The following GALNT13 variants were observed in gnomAD, a reference collection of about 807,000 sequenced individuals.
GALNT13 encodes the protein UDP-GalNAc:polypeptide N-acetylgalactosaminyltransferase 13.
A neutral mutation model predicts 64.2 loss-of-function variants in GALNT13; 28 were observed. The ratio of observed to expected loss-of-function variants is 0.44; its 90% CI spans 0.32 to 0.60. GALNT13 has a LOEUF of 0.60. Among genes scored for constraint, GALNT13 ranks in the 20% least tolerant of loss-of-function variants. The probability of loss-of-function intolerance (pLI) is 0.05; values close to 1 mark genes in which losing one functional copy is unlikely to be tolerated. For synonymous variants in GALNT13, 214 were observed against 224.6 expected, an observed-to-expected ratio of 0.95 and a Z score of 0.42; for missense variants, 577 against 669.8, an observed-to-expected ratio of 0.86 and a Z score of 1.53.
chr2:153,650,300 T>G, the GALNT13 span, among the ~76,000 whole-genome samples: 1 of 152,190 alleles, frequency 6.6e-6, no homozygotes, highest in Admixed American at 6.5e-5. Context: ...TGCCTTTTTT[T>G]GTTTTCCATT....
At chr2:153,307,048 G>A in the GALNT13 span, among the ~76,000 whole-genome samples, 1 of 152,116 alleles carries the variant, frequency 6.6e-6, no homozygotes, top group Admixed American at 6.5e-5. Context: ...TGCTTTTTTC[G>A]CTTAGAAAGT....
the GALNT13 span, among the ~76,000 whole-genome samples, chr2:153,627,100 G>C: frequency 6.6e-6 from 1 of 152,058 alleles, no homozygotes; most frequent in Admixed American, 6.6e-5. Flanking sequence ...GTGTGGGAAT[G>C]TAATACCTGA....
At chr2:153,765,964 CA>C in the GALNT13 span, among the ~76,000 whole-genome samples, 1 of 152,132 alleles carries the variant, frequency 6.6e-6, no homozygotes, top group Non-Finnish European at 1.5e-5. Flanking sequence ...GAGGCCTCCC[CA>C]AGCATGTGGA....
chr2:154,183,458 TC>T (rs1400333544), intron 4 of GALNT13, among the ~76,000 whole-genome samples: 1 of 152,188 alleles, frequency 6.6e-6, no homozygotes, highest in Non-Finnish European at 1.5e-5. Flanking sequence ...ACGCCTGTAA[TC>T]CCAGCACTTT....
intron 4 of GALNT13, among the ~76,000 whole-genome samples, chr2:154,200,919 G>A (rs1415120386): frequency 6.6e-6 from 1 of 152,084 alleles, no homozygotes; most frequent in Non-Finnish European, 1.5e-5. Flanking sequence ...AACTAGCCTA[G>A]AAAATGTATA....
the GALNT13 span, among the ~76,000 whole-genome samples, chr2:153,559,654 A>T: frequency 6.6e-6 from 1 of 152,170 alleles, no homozygotes; most frequent in Non-Finnish European, 1.5e-5. Flanking sequence ...TATCAGCCTG[A>T]TCCTTCCATT....
chr2:154,238,453 C>T (rs1210267880), intron 4 of GALNT13, among the ~76,000 whole-genome samples: 1 of 151,904 alleles, frequency 6.6e-6, no homozygotes, highest in Non-Finnish European at 1.5e-5. Context: ...TATAATTTGA[C>T]CACATTTTTT....
the GALNT13 span, among the ~76,000 whole-genome samples, chr2:153,534,518 C>CTTTTTTTTTTTTTTTT: frequency 8.1e-6 from 1 of 123,776 alleles, no homozygotes. Flanking sequence ...GCCCCTCTTT[C>CTTTTTTTTTTTTTTTT]TTTCTTTCTT....
At chr2:154,404,710 T>C (rs781423528) in intron 10 of GALNT13, among the ~76,000 whole-genome samples, 4 of 152,106 alleles carry the variant, frequency 2.6e-5, no homozygotes, top group East Asian at 1.9e-4. Context: ...TAGCTGAAGC[T>C]CCTTCTCAGA....
intron 3 of GALNT13, among the ~76,000 whole-genome samples, chr2:154,028,185 T>G (rs1698103918): frequency 6.6e-6 from 1 of 152,160 alleles, no homozygotes; most frequent in Admixed American, 6.5e-5. Flanking sequence ...ATAATATTCT[T>G]TTTATTTTTA....
the GALNT13 span, among the ~76,000 whole-genome samples, chr2:153,155,039 G>A: frequency 1.3e-5 from 2 of 152,124 alleles, no homozygotes; most frequent in African/African-American, 4.8e-5. Context: ...TTATTGATTT[G>A]CATATGTTGA....
chr2:153,747,529 G>A, the GALNT13 span, among the ~76,000 whole-genome samples: 1 of 146,412 alleles, frequency 6.8e-6, no homozygotes, highest in Admixed American at 7.0e-5. Flanking sequence ...CTGGGTTCAA[G>A]CAATTCTTCT....
chr2:153,096,618 C>T, the GALNT13 span, among the ~76,000 whole-genome samples: 2 of 151,976 alleles, frequency 1.3e-5, no homozygotes, highest in African/African-American at 2.4e-5. Context: ...GTGTAGTGAC[C>T]TCCTTTGTCT....
At chr2:153,317,824 G>T in the GALNT13 span, among the ~76,000 whole-genome samples, 1 of 151,966 alleles carries the variant, frequency 6.6e-6, no homozygotes, top group South Asian at 2.1e-4. Flanking sequence ...AGGCAATGAA[G>T]TCCTATTATT....
chr2:153,510,508 G>A, the GALNT13 span, among the ~76,000 whole-genome samples: 4 of 152,294 alleles, frequency 2.6e-5, no homozygotes, highest in East Asian at 7.7e-4. Flanking sequence ...CAGGTAACAA[G>A]GAGTGTAGGC....
the GALNT13 span, among the ~76,000 whole-genome samples, chr2:153,621,305 T>A: frequency 1.3e-5 from 2 of 152,216 alleles, no homozygotes; most frequent in African/African-American, 4.8e-5. Context: ...AGTTTGGGAC[T>A]TTCTTTATAG....
At chr2:154,320,454 G>A (rs1301031026) in intron 9 of GALNT13, among the ~76,000 whole-genome samples, 4 of 152,168 alleles carry the variant, frequency 2.6e-5, no homozygotes, top group Admixed American at 6.6e-5. Flanking sequence ...TCAGCCTTCT[G>A]AGTATAAATT....
At chr2:153,521,090 A>C in the GALNT13 span, among the ~76,000 whole-genome samples, 1 of 152,218 alleles carries the variant, frequency 6.6e-6, no homozygotes, top group African/African-American at 2.4e-5. Context: ...ATGTTTAGGA[A>C]GTACACCTGA....
chr2:154,144,140 A>G (rs982495509), intron 4 of GALNT13, among the ~76,000 whole-genome samples: 4 of 152,144 alleles, frequency 2.6e-5, no homozygotes, highest in South Asian at 2.1e-4. Flanking sequence ...ATAAAACTAC[A>G]GTATATGTTA....
Sources: gnomAD v4.1 joint callset for allele counts (sites outside exome capture counted in the v4.1 genomes callset) on GRCh38, gnomAD v4.1.1 for gene constraint, MANE v1.5 for transcripts, NCBI Gene and HGNC (gene_info 2026-07-23, HGNC 2026-07-21) for gene names.